Variants in C1orf94 observed in about 807,000 individuals in gnomAD.
C1orf94 encodes chromosome 1 open reading frame 94, also known as uncharacterized protein C1orf94.
A neutral mutation model predicts 53.6 loss-of-function variants in C1orf94; 45 were observed. The observed-to-expected ratio is 0.84, with a 90% CI of 0.66 to 1.08. C1orf94 has a LOEUF of 1.08. C1orf94 is among the 50% of genes least tolerant of loss of function. The pLI is 0.00. For synonymous variants in C1orf94, 304 were observed against 296.1 expected (o/e 1.03, Z -0.27); for missense variants, 762 against 738.9 (o/e 1.03, Z -0.36).
At position 34,178,193 on chromosome 1, in the gene C1orf94, G is replaced by T. The variant is rs1355172302; in HGVS notation, c.320+84G>T. ...TTCTGGGGGAATGTTCTGGCCCACT[G>T]TTGAGGCTGGTGAAACCCTAAAGGC... is the stretch of plus-strand genomic sequence containing the variant. On this transcript the variant is annotated intron_variant, in intron 1 of 6. Transcript: ENST00000488417. 8 of 1,388,270 alleles carry T rather than the reference G, an allele frequency of 5.8e-6. No homozygotes were observed. The East Asian group carries it at 1.8e-4, about 30-fold the overall frequency. The allele number at this position is 1,388,270 out of a possible 1,614,324, so 86.0% of individuals were successfully genotyped here.
rs2148618985 is a variant in C1orf94, at chr1:34,200,974, C to T, written c.1212C>T (p.Asn404=). The T allele has an allele frequency of 6.2e-7, 1 of 1,613,562 alleles. No individual in the cohort carries two copies. ...ATGAGTTCCTTGGGGCCACCAAGAA[C>T]CCAAGCGGGCAGCCGAGACTTCGAA... is the stretch of plus-strand genomic sequence containing the variant. ...LLYEFLGATK[N]PSGQPRLRNK... Residue 404 remains asparagine, a synonymous_variant, in exon 3 of 7, where the codon AAC becomes AAT. Transcript: ENST00000488417.
intron 6 of C1orf94, among the ~76,000 whole-genome samples, chr1:34,216,869 A>T (rs1010294214): frequency 1.3e-5 from 2 of 152,224 alleles, no homozygotes; most frequent in African/African-American, 2.4e-5. Flanking sequence ...ACCTGAGGTC[A>T]GGAGTTTGAG....
chr1:34,169,870 G>T (rs924176746), intron 1 of C1orf94, among the ~76,000 whole-genome samples: 1 of 152,208 alleles, frequency 6.6e-6, no homozygotes, highest in East Asian at 1.9e-4. Flanking sequence ...GCGACAGAGG[G>T]GCTTCATGAG....
intron 1 of C1orf94, among the ~76,000 whole-genome samples, chr1:34,169,356 G>A (rs6675330): frequency 0.016 from 2,410 of 152,236 alleles, 71 homozygotes; most frequent in African/African-American, 0.055. Flanking sequence ...CATTCTCCCT[G>A]TGAGCAACAG....
chr1:34,213,516 C>G (rs1282198337), intron 6 of C1orf94, among the ~76,000 whole-genome samples: 1 of 152,040 alleles, frequency 6.6e-6, no homozygotes, highest in Non-Finnish European at 1.5e-5. Context: ...AACATGAAAT[C>G]CACACCCTTT....
chr1:34,200,699 C>T (rs1642689180), intron 2 of C1orf94, 73 bp from the exon 3 acceptor site: 1 of 1,579,228 alleles, frequency 6.3e-7, no homozygotes, highest in East Asian at 2.2e-5. Flanking sequence ...ATCATTTAGT[C>T]CACAAAAAGG....
chr1:34,200,866 G>A lies in C1orf94; in HGVS notation c.1104G>A (p.Glu368=), dbSNP rs758569553. The A allele has an allele frequency of 6.8e-6, 11 of 1,614,204 alleles. No homozygotes were observed. The highest frequency in any genetic ancestry group is 6.7e-5 in the Admixed American group (4 of 60,024). The change falls in exon 3 of 7, where the codon GAG becomes GAA. Residue 368 remains glutamate (E), a synonymous_variant. Coordinates refer to ENST00000488417, the MANE Select transcript of C1orf94 (RefSeq NM_001134734.2). ...PQSQKDACGE[E]GCCDAVGTAS... ...GCCAGAAGGACGCCTGTGGTGAGGA[G>A]GGTTGCTGTGACGCAGTGGGCACCG...
In C1orf94 at chr1:34,197,393, C is replaced by T. The variant is rs768610822; in HGVS notation, c.489C>T (p.Ala163=). ...GAGAGCTGGCTCCCTGCATTCTTGC[C>T]CCTCCTCTAGTGGCAGGCAGTAATG... is the stretch of plus-strand genomic sequence containing the variant. ...GTRELAPCIL[A]PPLVAGSNER... The change falls in exon 2 of 7, where the codon GCC becomes GCT. Residue 163 remains alanine (A), a synonymous_variant. Coordinates refer to ENST00000488417, the MANE Select transcript of C1orf94 (RefSeq NM_001134734.2). This position sits in a 1 kb window ranked among gnomAD's most constrained non-coding sequence, Gnocchi z 4.1. 1 of 1,613,604 alleles carries T rather than the reference C, an allele frequency of 6.2e-7. No homozygotes were observed. Among genetic ancestry groups the T allele is most frequent in the Non-Finnish European group, 8.5e-7 (1 of 1,179,764 alleles).
chr1:34,197,143 T>G lies in C1orf94; in HGVS notation c.321-82T>G. 1 of 1,279,874 alleles carries G rather than the reference T, an allele frequency of 7.8e-7. No homozygotes were observed. Among genetic ancestry groups the G allele is most frequent in the Non-Finnish European group, 1.1e-6 (1 of 942,554 alleles). The allele number at this position is 1,279,874 out of a possible 1,614,324, so 79.3% of individuals were successfully genotyped here. ...TGTCATGTTATGCATCCATCTCCCTTTTCTGGGGCCTATGTCCTTCTGCAA... is the reference window on the plus strand; with the variant it reads ...TGTCATGTTATGCATCCATCTCCCTGTTCTGGGGCCTATGTCCTTCTGCAA... On this transcript the variant is annotated intron_variant, in intron 1 of 6. Transcript: ENST00000488417. This position sits in a 1 kb window ranked among gnomAD's most constrained non-coding sequence, Gnocchi z 4.1.
At chr1:34,209,617 G>A (rs749659893) in intron 5 of C1orf94, among the ~76,000 whole-genome samples, 2 of 152,116 alleles carry the variant, frequency 1.3e-5, no homozygotes, top group Admixed American at 6.5e-5. Context: ...CGTGCAAACC[G>A]CACCTCTGAC....
chr1:34,215,941 G>T (rs562291655), intron 6 of C1orf94, among the ~76,000 whole-genome samples: 1 of 152,294 alleles, frequency 6.6e-6, no homozygotes, highest in East Asian at 1.9e-4. Flanking sequence ...GGGAGGCGGA[G>T]GTTGCAGTGA....
chr1:34,210,822 T>G (rs1642877124), intron 5 of C1orf94, among the ~76,000 whole-genome samples: 1 of 152,082 alleles, frequency 6.6e-6, no homozygotes, highest in South Asian at 2.1e-4. Flanking sequence ...GCCTGACTAA[T>G]TGTTGTATTT....
chr1:34,181,957 G>A (rs1642316521), intron 1 of C1orf94, among the ~76,000 whole-genome samples: 1 of 152,214 alleles, frequency 6.6e-6, no homozygotes, highest in Non-Finnish European at 1.5e-5. Flanking sequence ...ACTTTGGGAG[G>A]CTGAGGTGGG....
At position 34,200,985 on chromosome 1, in the gene C1orf94, A is replaced by T; in HGVS notation, c.1223A>T (p.Gln408Leu). The change falls in exon 3 of 7, where the codon CAG (glutamine) becomes CTG (leucine). Residue 408 changes from glutamine to leucine, a missense_variant. Physicochemically the swap from Gln to Leu is moderately radical, Grantham distance 113. Transcript: ENST00000488417. Reference sequence around the variant, plus strand: ...GGGGCCACCAAGAACCCAAGCGGGCAGCCGAGACTTCGAAACAAAGTGGAA... The same window carrying T: ...GGGGCCACCAAGAACCCAAGCGGGCTGCCGAGACTTCGAAACAAAGTGGAA... ...FLGATKNPSGQPRLRNKVEVD... is the reference protein window; with the variant it reads ...FLGATKNPSGLPRLRNKVEVD... 1 of 1,612,782 alleles carries T rather than the reference A, an allele frequency of 6.2e-7. No homozygotes were observed. The highest frequency in any genetic ancestry group is 1.1e-5 in the South Asian group (1 of 90,892).
intron 5 of C1orf94, among the ~76,000 whole-genome samples, chr1:34,210,827 G>T (rs901915465): frequency 1.3e-5 from 2 of 152,068 alleles, no homozygotes; most frequent in Non-Finnish European, 1.5e-5. Flanking sequence ...ACTAATTGTT[G>T]TATTTTTGGT....
intron 2 of C1orf94, among the ~76,000 whole-genome samples, chr1:34,200,367 GA>G (rs1642680809): frequency 1.3e-5 from 2 of 152,160 alleles, no homozygotes; most frequent in Non-Finnish European, 2.9e-5. Flanking sequence ...GGAGAGGAAA[GA>G]AAAGAAAGGT....
At chr1:34,201,876 G>T (rs902161452) in intron 3 of C1orf94, among the ~76,000 whole-genome samples, 39 of 152,202 alleles carry the variant, frequency 2.6e-4, no homozygotes, top group African/African-American at 8.9e-4. Context: ...GACCTTCTGG[G>T]ATTTTCATCC....
intron 3 of C1orf94, 32 bp downstream of exon 3, chr1:34,201,064 G>C (rs1642699696): frequency 1.3e-6 from 2 of 1,557,164 alleles, no homozygotes; most frequent in Admixed American, 1.9e-5. Flanking sequence ...GGGATTGGAG[G>C]GGAGGGGGTT....
At chr1:34,216,143 T>C (rs1049658273) in intron 6 of C1orf94, among the ~76,000 whole-genome samples, 1 of 152,032 alleles carries the variant, frequency 6.6e-6, no homozygotes, top group Non-Finnish European at 1.5e-5. Flanking sequence ...GACAGATGGG[T>C]GGAGCTATGG....
Sources: allele counts gnomAD v4.1 joint callset (sites outside exome capture counted in the v4.1 genomes callset), GRCh38; gene constraint gnomAD v4.1.1; non-coding constraint Gnocchi (gnomAD v3.1); transcripts MANE v1.5; gene names NCBI Gene and HGNC (gene_info 2026-07-23, HGNC 2026-07-21).